Variants in LRRC74A observed in about 807,000 individuals in gnomAD.
The protein encoded by LRRC74A is leucine-rich repeat-containing protein 74A.
Under a neutral mutation model 57.9 loss-of-function variants are expected in LRRC74A, and 44 were observed. The ratio of observed to expected loss-of-function variants is 0.76; its 90% CI spans 0.60 to 0.98. LRRC74A has a LOEUF of 0.98. Among genes scored for constraint, LRRC74A ranks in the 50% least tolerant of loss-of-function variants. The pLI is 0.00. For synonymous variants in LRRC74A, 211 were observed against 219.4 expected, an observed-to-expected ratio of 0.96 and a Z score of 0.34; for missense variants, 572 against 574.0, an observed-to-expected ratio of 1.00 and a Z score of 0.04.
chr14:76,855,229 T>C (rs2140299423), intron 9 of LRRC74A, among the ~76,000 whole-genome samples: 1 of 152,210 alleles, frequency 6.6e-6, no homozygotes, highest in East Asian at 1.9e-4. Flanking sequence ...GACCAGGAGA[T>C]CTGGGAGTCC....
chr14:76,855,835 G>A (rs1252623528), intron 9 of LRRC74A, among the ~76,000 whole-genome samples: 1 of 152,196 alleles, frequency 6.6e-6, no homozygotes, highest in Non-Finnish European at 1.5e-5. Flanking sequence ...AAGAACTATT[G>A]TTCATTGACA....
intron 9 of LRRC74A, among the ~76,000 whole-genome samples, chr14:76,854,415 C>T (rs1171502658): frequency 6.6e-6 from 1 of 152,196 alleles, no homozygotes; most frequent in African/African-American, 2.4e-5. Context: ...TAAGACCAGC[C>T]TGGCCAACAT....
chr14:76,865,966 A>G lies in LRRC74A; in HGVS notation c.1201-2A>G. 2 of 1,569,906 alleles carry G rather than the reference A, an allele frequency of 1.3e-6. No homozygotes were observed. Among genetic ancestry groups the G allele is most frequent in the South Asian group, 2.3e-5 (2 of 88,528 alleles). On this transcript the variant is annotated splice_acceptor_variant, in intron 11 of 13. Transcript: ENST00000689127. LOFTEE classifies it high-confidence loss of function. ...GCTCCTGGTCTCTCCTGCTTCTCTC[A>G]GAGCTATGCAGACCAACACAAAATC...
rs1895949686 is a variant in LRRC74A, at chr14:76,831,260, T to C, written c.224T>C (p.Leu75Pro). ...GAGCTGTACCTGGAGGCCTGCAAGC[T>C]GATGGGTGTAGTGCCTGTCTCCTAC... ...QKELYLEACK[L>P]MGVVPVSYFI... Residue 75 changes from leucine (L) to proline (P), a missense_variant, in exon 3 of 14, where the codon CTG becomes CCG. By Grantham distance (98) the Leu-to-Pro change is moderately conservative (BLOSUM62 -3). Coordinates refer to ENST00000689127, the MANE Select transcript of LRRC74A (RefSeq NM_001385106.1). 1 of 1,614,042 alleles carries C rather than the reference T, an allele frequency of 6.2e-7. No individual in the cohort carries two copies. Among genetic ancestry groups the C allele is most frequent in the Non-Finnish European group, 8.5e-7 (1 of 1,179,878 alleles).
chr14:76,859,905 C>T (rs187553926), intron 10 of LRRC74A, among the ~76,000 whole-genome samples: 68 of 151,970 alleles, frequency 4.5e-4, no homozygotes, highest in African/African-American at 1.5e-3. Flanking sequence ...CTTGAATTTC[C>T]GACCTCAAGT....
chr14:76,844,768 T>C lies in LRRC74A; in HGVS notation c.595-52T>C, dbSNP rs1897009961. The C allele has an allele frequency of 4.0e-6, 4 of 997,292 alleles. No homozygotes were observed. In the East Asian group the frequency reaches 7.3e-5, roughly 18 times the overall value. The allele number at this position is 997,292 out of a possible 1,614,324, so 61.8% of individuals were successfully genotyped here. A position where few individuals can be genotyped will look rare whatever the true frequency, so the allele number is the denominator to read the frequency against. On this transcript the variant is annotated intron_variant, in intron 6 of 13. Transcript: ENST00000689127. ...ATACTGCCCTGAGATAAGTAAGATA[T>C]TTGCAATCAGAAGACAAAAAATCCT...
At chr14:76,847,177 G>A (rs1261836272) in intron 7 of LRRC74A, among the ~76,000 whole-genome samples, 1 of 152,172 alleles carries the variant, frequency 6.6e-6, no homozygotes, top group Non-Finnish European at 1.5e-5. Flanking sequence ...GCTGTTGAGA[G>A]ATCAAATAAG....
intron 3 of LRRC74A, among the ~76,000 whole-genome samples, chr14:76,835,262 C>T (rs1258082327): frequency 6.6e-6 from 1 of 152,102 alleles, no homozygotes; most frequent in African/African-American, 2.4e-5. Flanking sequence ...GCGGGTGGAT[C>T]ACCTGAGGTC....
chr14:76,866,167 G>C, intron 12 of LRRC74A, 92 bp downstream of exon 12: 1 of 956,964 alleles, frequency 1.0e-6, no homozygotes, highest in Non-Finnish European at 1.6e-6. Flanking sequence ...AGGAGCAAAA[G>C]AGCTTGTGAG....
intron 11 of LRRC74A, among the ~76,000 whole-genome samples, chr14:76,864,023 G>A (rs1595400015): frequency 6.6e-6 from 1 of 152,364 alleles, no homozygotes; most frequent in Non-Finnish European, 1.5e-5. Context: ...GGGGACTTGG[G>A]GAATGTCGCT....
At chr14:76,828,653 C>T (rs1181739322) in intron 2 of LRRC74A, 20 of 659,930 alleles carry the variant, frequency 3.0e-5, no homozygotes, top group Admixed American at 4.2e-5. Flanking sequence ...AGTGCCCTCA[C>T]GTCGTCTTGT....
At chr14:76,861,986 G>A (rs1898348155) in intron 11 of LRRC74A, among the ~76,000 whole-genome samples, 1 of 152,264 alleles carries the variant, frequency 6.6e-6, no homozygotes, top group South Asian at 2.1e-4. Flanking sequence ...GCGGTGTCCA[G>A]TATTTGTACA....
At chr14:76,850,354 C>T (rs1005539342) in intron 7 of LRRC74A, among the ~76,000 whole-genome samples, 1 of 151,942 alleles carries the variant, frequency 6.6e-6, no homozygotes, top group African/African-American at 2.4e-5. Flanking sequence ...CTTGTGTGGC[C>T]ATTTGAGTGA....
intron 11 of LRRC74A, among the ~76,000 whole-genome samples, chr14:76,862,225 C>T (rs1481621554): frequency 6.6e-6 from 1 of 152,178 alleles, no homozygotes; most frequent in African/African-American, 2.4e-5. Context: ...AGTGACGACC[C>T]ACAGAACATA....
In LRRC74A at chr14:76,831,222, C is replaced by T. The variant is rs746775540; in HGVS notation, c.186C>T (p.Thr62=). 8.1e-6 allele frequency: 13 copies of T among 1,613,810 alleles called. No homozygotes were observed. The South Asian group carries it at 1.1e-4, about 14-fold the overall frequency. ...LEIEDDEKFF[T]TGQKELYLEA... ...CTGCAGATGATGAGAAATTTTTCAC[C>T]ACTGGACAAAAGGAGCTGTACCTGG... Residue 62 remains threonine (T), a synonymous_variant, in exon 3 of 14, where the codon ACC becomes ACT. Transcript: ENST00000689127.
intron 4 of LRRC74A, 122 bp downstream of exon 4, chr14:76,836,436 T>A (rs1896343857): frequency 1.6e-6 from 1 of 622,062 alleles, no homozygotes; most frequent in African/African-American, 1.8e-5. Context: ...CCCCTGCCCT[T>A]CCCACACGAC....
At chr14:76,859,662 C>CTTTTTTTTTTTTTTTTTTT (rs1025552496) in intron 10 of LRRC74A, among the ~76,000 whole-genome samples, 5 of 80,898 alleles carry the variant, frequency 6.2e-5, no homozygotes, top group Admixed American at 1.6e-4. Flanking sequence ...CTGAATTAGC[C>CTTTTTTTTTTTTTTTTTTT]TTTTTTTTTT....
chr14:76,826,809 C>T, intron 1 of LRRC74A, 75 bp downstream of exon 1: 2 of 1,000,604 alleles, frequency 2.0e-6, no homozygotes, highest in Non-Finnish European at 2.9e-6. Flanking sequence ...GATCACAGGA[C>T]CCTGAAGCCC....
chr14:76,856,260 C>T (rs1897867855), intron 9 of LRRC74A, among the ~76,000 whole-genome samples: 1 of 152,196 alleles, frequency 6.6e-6, no homozygotes, highest in African/African-American at 2.4e-5. Flanking sequence ...CCTCATTAGT[C>T]CTGCAAGGCT....
Sources: gnomAD v4.1 joint callset for allele counts (sites outside exome capture counted in the v4.1 genomes callset) on GRCh38, gnomAD v4.1.1 for gene constraint, MANE v1.5 for transcripts, NCBI Gene and HGNC (gene_info 2026-07-23, HGNC 2026-07-21) for gene names.